Variants in SNX29 observed in about 807,000 individuals in gnomAD.
SNX29 encodes sorting nexin-29.
In SNX29, 78 loss-of-function variants were observed where a neutral mutation model predicts 102.1. The observed-to-expected ratio is 0.76, with a 90% confidence interval of 0.64 to 0.92. The LOEUF (loss-of-function observed/expected upper bound fraction) is 0.92. Ranked by LOEUF, SNX29 falls within the 40% of genes least tolerant of loss-of-function variation. The pLI is 0.00. For missense variants in SNX29, 1,280 were observed against 1,061.7 expected (o/e 1.21, Z -2.86); for synonymous variants, 580 against 414.5 (o/e 1.40, Z -4.85).
At chr16:12,327,910 T>C (rs897832866) in intron 15 of SNX29, among the ~76,000 whole-genome samples, 3 of 152,140 alleles carry the variant, frequency 2.0e-5, no homozygotes, top group African/African-American at 7.2e-5. Context: ...ACCATCCTGC[T>C]CATGGCACCG....
At chr16:12,259,628 C>G (rs1305231350) in intron 14 of SNX29, among the ~76,000 whole-genome samples, 1 of 152,182 alleles carries the variant, frequency 6.6e-6, no homozygotes, top group African/African-American at 2.4e-5. Context: ...TCTAGTTTTT[C>G]TTACCTTTGG....
chr16:12,163,173 C>T (rs998235559), intron 13 of SNX29, among the ~76,000 whole-genome samples: 2 of 152,206 alleles, frequency 1.3e-5, no homozygotes, highest in African/African-American at 2.4e-5. Context: ...TGAGCCACTG[C>T]GTCTGGCCAG....
At chr16:12,450,378 G>A (rs1048249681) in intron 18 of SNX29, among the ~76,000 whole-genome samples, 2 of 152,136 alleles carry the variant, frequency 1.3e-5, no homozygotes, top group Non-Finnish European at 2.9e-5. Context: ...TCTTCTCATG[G>A]GCAGGAGTCA....
rs573793559 is a variant in SNX29, at chr16:12,012,232, A to G, written c.122+9189A>G. Among the ~76,000 whole-genome samples, 57 of 152,196 alleles carry G rather than the reference A, an allele frequency of 3.7e-4. 1 individual carries two copies. Among genetic ancestry groups the G allele is most frequent in the Admixed American group, 1.2e-3 (18 of 15,266 alleles). The stretch of plus-strand genomic sequence containing the variant: ...GGTTGTTAGCGGTCAAATAGGTGGG[A>G]TAGGAATTTTAGGCAGAGGGAATAG... On this transcript the variant is annotated intron_variant, in intron 3 of 20. Coordinates refer to ENST00000566228, the MANE Select transcript of SNX29 (RefSeq NM_032167.5).
intron 20 of SNX29, among the ~76,000 whole-genome samples, chr16:12,564,022 T>C (rs2078880783): frequency 6.6e-6 from 1 of 151,750 alleles, no homozygotes; most frequent in African/African-American, 2.4e-5. Flanking sequence ...GGGTAGGGAG[T>C]TGAGGAGTTG....
chr16:12,339,254 C>T (rs945581799), intron 15 of SNX29, among the ~76,000 whole-genome samples: 5 of 151,344 alleles, frequency 3.3e-5, no homozygotes, highest in African/African-American at 7.3e-5. Context: ...GCCTGTAATC[C>T]CAGCTACTTG....
chr16:12,424,668 T>C (rs1409111164), intron 18 of SNX29, among the ~76,000 whole-genome samples: 1 of 152,212 alleles, frequency 6.6e-6, no homozygotes, highest in African/African-American at 2.4e-5. Flanking sequence ...CAGGCTATTA[T>C]TTATTTTGAT....
intron 16 of SNX29, among the ~76,000 whole-genome samples, chr16:12,369,468 A>G (rs571172495): frequency 6.6e-6 from 1 of 152,258 alleles, no homozygotes; most frequent in East Asian, 1.9e-4. Flanking sequence ...TGTCATGAGC[A>G]TGGGAAAGGG....
rs2079208910 is a variant in SNX29, at chr16:12,572,508, G to T, written c.*3879G>T. 3.8e-6 allele frequency: 4 copies of T among 1,063,842 alleles called. No homozygotes were observed. The highest frequency in any genetic ancestry group is 4.6e-6 in the Non-Finnish European group (4 of 878,328). 65.9% of individuals were successfully genotyped at this position (1,063,842 alleles called of 1,614,324 possible). A position where few individuals can be genotyped will look rare whatever the true frequency, so the allele number is the denominator to read the frequency against. Reference sequence around the variant, plus strand: ...TGGGGTTCCAGGCCTCGGCCTTCCTGCTCCACGTGCTCAAGCCCCCACAGG... The same window carrying T: ...TGGGGTTCCAGGCCTCGGCCTTCCTTCTCCACGTGCTCAAGCCCCCACAGG... On this transcript the variant is annotated 3_prime_UTR_variant, in exon 21 of 21. Transcript: ENST00000566228.
chr16:12,325,701 T>A (rs912287617), intron 15 of SNX29, among the ~76,000 whole-genome samples: 1 of 152,138 alleles, frequency 6.6e-6, no homozygotes, highest in Non-Finnish European at 1.5e-5. Flanking sequence ...GAAGTAGATT[T>A]GCTCCTTATT....
At chr16:12,153,861 C>T (rs573310880) in intron 13 of SNX29, among the ~76,000 whole-genome samples, 2 of 152,120 alleles carry the variant, frequency 1.3e-5, no homozygotes, top group East Asian at 3.9e-4. Context: ...GACAGGAAGA[C>T]AAATTGTTGA....
At chr16:12,128,406 G>C (rs1179053040) in intron 12 of SNX29, among the ~76,000 whole-genome samples, 1 of 151,708 alleles carries the variant, frequency 6.6e-6, no homozygotes, top group Non-Finnish European at 1.5e-5. Context: ...GGAGATTTCA[G>C]TGAATGATCA....
At chr16:12,203,819 G>A (rs901279312) in intron 14 of SNX29, among the ~76,000 whole-genome samples, 21 of 152,208 alleles carry the variant, frequency 1.4e-4, no homozygotes, top group African/African-American at 3.9e-4. Flanking sequence ...TTGGCCACAC[G>A]TGACTCCAGA....
intron 20 of SNX29, chr16:12,545,679 G>A (rs1029103052): frequency 6.6e-6 from 1 of 152,302 alleles, no homozygotes; most frequent in African/African-American, 2.4e-5. Context: ...TAGGCTCCAG[G>A]TTAAGGGGAG....
At chr16:12,563,837 TA>T (rs2078868926) in intron 20 of SNX29, among the ~76,000 whole-genome samples, 1 of 152,042 alleles carries the variant, frequency 6.6e-6, no homozygotes. Context: ...AGGCTGCCTG[TA>T]AATATCCCTG....
intron 18 of SNX29, among the ~76,000 whole-genome samples, chr16:12,427,543 T>C (rs2085132137): frequency 2.0e-5 from 3 of 152,226 alleles, no homozygotes; most frequent in African/African-American, 4.8e-5. Context: ...AAAAATACTT[T>C]AGGTATAGGA....
chr16:12,501,457 C>G (rs1285076861), intron 19 of SNX29, among the ~76,000 whole-genome samples: 3 of 151,764 alleles, frequency 2.0e-5, no homozygotes, highest in Non-Finnish European at 2.9e-5. Flanking sequence ...CGCGGTGGCT[C>G]ACACCTGTAA....
chr16:12,281,798 T>TG (rs2151025996), intron 15 of SNX29, among the ~76,000 whole-genome samples: 1 of 152,096 alleles, frequency 6.6e-6, no homozygotes, highest in Non-Finnish European at 1.5e-5. Flanking sequence ...GGGCTGGGCG[T>TG]GGTGGCTCAA....
Position 12,540,013 on chromosome 16 carries a change from T to C in SNX29, c.2318+15172T>C, listed in dbSNP as rs533920740. On this transcript the variant is annotated intron_variant, in intron 20 of 20. Transcript: ENST00000566228. ...CAGCTTCTTTTCAGTGTCTTTTGCATGACACCTTTTTAATTTTGATGAAAT... is the reference window on the plus strand; with the variant it reads ...CAGCTTCTTTTCAGTGTCTTTTGCACGACACCTTTTTAATTTTGATGAAAT... 2.0e-5 allele frequency among the ~76,000 whole-genome samples: 3 copies of C among 152,352 alleles called. No individual in the cohort carries two copies. The South Asian group carries it at 6.2e-4, about 32-fold the overall frequency.
Sources: allele counts gnomAD v4.1 joint callset (sites outside exome capture counted in the v4.1 genomes callset), GRCh38; gene constraint gnomAD v4.1.1; transcripts MANE v1.5; gene names NCBI Gene and HGNC (gene_info 2026-07-23, HGNC 2026-07-21).